PCDH15: variants seen among roughly 807,000 people sequenced by gnomAD.
PCDH15 encodes protocadherin related 15.
A neutral mutation model predicts 178.5 loss-of-function variants in PCDH15; 129 were observed. That is an observed-to-expected ratio of 0.72 (90% CI 0.63 to 0.84). PCDH15 has a LOEUF of 0.84. PCDH15 is among the 40% of genes least tolerant of loss of function. PCDH15 has a pLI of 0.00. For missense variants in PCDH15, 2,230 were observed against 2,099.9 expected (o/e 1.06, Z -1.21); for synonymous variants, 800 against 732.0 (o/e 1.09, Z -1.50).
chr10:54,085,457 G>A (rs932918434), intron 16 of PCDH15, among the ~76,000 whole-genome samples: 3 of 152,032 alleles, frequency 2.0e-5, no homozygotes, highest in Non-Finnish European at 4.4e-5. Context: ...TATACCATTA[G>A]GCCATCATAT....
At chr10:54,567,001 T>C (rs536447779) in intron 2 of PCDH15, among the ~76,000 whole-genome samples, 1 of 152,184 alleles carries the variant, frequency 6.6e-6, no homozygotes, top group East Asian at 1.9e-4. Context: ...TTTGGTGTCA[T>C]CAGGGTTTAG....
At chr10:53,876,259 C>T (rs2133275371) in intron 26 of PCDH15, among the ~76,000 whole-genome samples, 1 of 151,170 alleles carries the variant, frequency 6.6e-6, no homozygotes, top group East Asian at 2.0e-4. Flanking sequence ...ATGATCTCAG[C>T]TCACTGCAAC....
intron 2 of PCDH15, among the ~76,000 whole-genome samples, chr10:54,557,312 G>A (rs1434380482): frequency 4.6e-5 from 7 of 151,952 alleles, no homozygotes; most frequent in Admixed American, 4.6e-4. Flanking sequence ...AAGTCTATTG[G>A]GTGTGGCCAA....
intron 1 of PCDH15, among the ~76,000 whole-genome samples, chr10:55,272,869 T>G (rs1410659363): frequency 2.0e-5 from 3 of 152,060 alleles, no homozygotes; most frequent in African/African-American, 7.3e-5. Context: ...TTATATACTT[T>G]GAGATGTAGC....
At position 54,185,180 on chromosome 10, in the gene PCDH15, A is replaced by C; in HGVS notation, c.1394T>G (p.Leu465Ter). The change falls in exon 12 of 38, where the codon TTA becomes TGA. Residue 465 changes from leucine (L) to a stop codon, truncating the protein, a stop_gained. Coordinates refer to ENST00000644397, the MANE Select transcript of PCDH15 (RefSeq NM_001384140.1). LOFTEE classifies it high-confidence loss of function. ...TQTGITRYLT[L>*]LQPVDREEQQ... The stretch of plus-strand genomic sequence containing the variant: ...TTCTTCCCTGTCCACTGGTTGAAGT[A>C]AGGTGAGGTAGCGAGTAATACCAGT... 15 of 1,613,708 alleles carry C rather than the reference A, an allele frequency of 9.3e-6. No individual in the cohort carries two copies. The highest frequency in any genetic ancestry group is 1.3e-5 in the Non-Finnish European group (15 of 1,179,710).
At chr10:54,398,436 T>C (rs896206887) in intron 3 of PCDH15, among the ~76,000 whole-genome samples, 1 of 151,968 alleles carries the variant, frequency 6.6e-6, no homozygotes, top group Non-Finnish European at 1.5e-5. Flanking sequence ...TTTCCATCTC[T>C]AGCAATTTTT....
intron 27 of PCDH15, among the ~76,000 whole-genome samples, chr10:53,861,499 C>T (rs1336849674): frequency 6.6e-6 from 1 of 151,836 alleles, no homozygotes; most frequent in African/African-American, 2.4e-5. Flanking sequence ...TTCTTTCTTC[C>T]TCTATACTCT....
chr10:55,279,403 T>C (rs1217249462), intron 1 of PCDH15, among the ~76,000 whole-genome samples: 3 of 152,206 alleles, frequency 2.0e-5, no homozygotes, highest in African/African-American at 7.2e-5. Flanking sequence ...GAGACAAATA[T>C]TGGAAATAAA....
intron 1 of PCDH15, among the ~76,000 whole-genome samples, chr10:54,699,643 G>C (rs1452332783): frequency 6.6e-6 from 1 of 151,822 alleles, no homozygotes; most frequent in African/African-American, 2.4e-5. Flanking sequence ...TAGCCTTAAG[G>C]ACAAAAATGG....
intron 2 of PCDH15, among the ~76,000 whole-genome samples, chr10:55,405,291 T>TATATATATATATATATATAA (rs1838171070): frequency 7.0e-6 from 1 of 142,036 alleles, no homozygotes; most frequent in Non-Finnish European, 1.6e-5. Flanking sequence ...CAGATATATA[T>TATATATATATATATATATAA]ATATATATAT....
chr10:54,328,169 T>C (rs1938597634), intron 7 of PCDH15, among the ~76,000 whole-genome samples: 1 of 149,686 alleles, frequency 6.7e-6, no homozygotes, highest in Non-Finnish European at 1.5e-5. Context: ...ATCCCTGACA[T>C]CCACTGATCT....
At chr10:55,453,423 T>C (rs74699070) in intron 2 of PCDH15, among the ~76,000 whole-genome samples, 3,733 of 152,298 alleles carry the variant, frequency 0.025, 155 homozygotes, top group African/African-American at 0.085. Context: ...TAGGAAGCTA[T>C]GAAAAATACT....
intron 8 of PCDH15, among the ~76,000 whole-genome samples, chr10:54,296,883 A>G (rs2059829851): frequency 6.6e-6 from 1 of 152,270 alleles, no homozygotes; most frequent in Middle Eastern, 3.4e-3. Context: ...ACATCTTTAT[A>G]GGGCATGGAT....
At chr10:54,363,578 A>C (rs1005744132) in intron 5 of PCDH15, among the ~76,000 whole-genome samples, 1 of 152,160 alleles carries the variant, frequency 6.6e-6, no homozygotes, top group Non-Finnish European at 1.5e-5. Flanking sequence ...CTTTCTCAAC[A>C]TGATTTTTGA....
intron 3 of PCDH15, chr10:54,486,098 T>C (rs956293375): frequency 2.0e-5 from 3 of 151,992 alleles, no homozygotes; most frequent in Middle Eastern, 3.2e-3. Context: ...ATCTAAGCAA[T>C]AAAGACTGTG....
At chr10:55,605,185 G>T (rs1464886872) in intron 2 of PCDH15, among the ~76,000 whole-genome samples, 1 of 151,524 alleles carries the variant, frequency 6.6e-6, no homozygotes, top group Non-Finnish European at 1.5e-5. Flanking sequence ...ACTCTCCCAA[G>T]ACTAAACCAG....
At chr10:55,270,097 C>T (rs148952883) in intron 1 of PCDH15, among the ~76,000 whole-genome samples, 97 of 152,206 alleles carry the variant, frequency 6.4e-4, no homozygotes, top group Non-Finnish European at 1.0e-3. Context: ...AAGAATGAAC[C>T]TGACCCCTTA....
intron 8 of PCDH15, among the ~76,000 whole-genome samples, chr10:54,239,156 T>C (rs2054959250): frequency 1.3e-5 from 2 of 152,140 alleles, no homozygotes; most frequent in South Asian, 2.1e-4. Flanking sequence ...TGAGGATATG[T>C]TGGCTGATCA....
Position 53,805,609 on chromosome 10 carries a change from T to TAAG in PCDH15, c.*967_*969dup, listed in dbSNP as rs1190440640. 7 of 152,102 alleles carry TAAG rather than the reference T, an allele frequency of 4.6e-5. No individual in the cohort carries two copies. The highest frequency in any genetic ancestry group is 1.0e-4 in the Non-Finnish European group (7 of 68,010). 9.4% of individuals were successfully genotyped at this position (152,102 alleles called of 1,614,324 possible). A position where few individuals can be genotyped will look rare whatever the true frequency, so the allele number is the denominator to read the frequency against. ...TGAAGTTATGAATTCATAGCCTTTA[T>TAAG]AAGCTTTATATATTATATACATTTC... On this transcript the variant is annotated 3_prime_UTR_variant, in exon 38 of 38. Transcript: ENST00000644397.
Sources: gnomAD v4.1 joint callset for allele counts (sites outside exome capture counted in the v4.1 genomes callset) on GRCh38, gnomAD v4.1.1 for gene constraint, MANE v1.5 for transcripts, NCBI Gene and HGNC (gene_info 2026-07-23, HGNC 2026-07-21) for gene names.